Variants in SMARCA4 observed in about 807,000 individuals in gnomAD.
SMARCA4 encodes SWI/SNF-related matrix-associated actin-dependent regulator of chromatin subfamily A member 4.
A neutral mutation model predicts 193.9 loss-of-function variants in SMARCA4; 31 were observed. The ratio of observed to expected loss-of-function variants is 0.16; its 90% CI spans 0.12 to 0.22. SMARCA4 has a LOEUF of 0.22. Among genes scored for constraint, SMARCA4 ranks in the 10% least tolerant of loss-of-function variants. The pLI is 1.00. For synonymous variants in SMARCA4, 942 were observed against 933.1 expected (o/e 1.01, Z -0.17); for missense variants, 1,148 against 2,296.0 (o/e 0.50, Z 10.22).
At position 11,026,305 on chromosome 19, in the gene SMARCA4, C is replaced by A. The variant is rs1060504434; in HGVS notation, c.3174C>A (p.Ser1058=). ...HPYMFQHIEE[S]FSEHLGFTGG... is the part of the protein sequence containing the mutation. The stretch of plus-strand genomic sequence containing the variant: ...CCTCTCTCCTTGCCTTGCAGGAGTC[C>A]TTTTCCGAGCACTTGGGGTTCACTG... Residue 1058 remains serine, a synonymous_variant, in exon 23 of 35, where the codon TCC becomes TCA. Transcript: ENST00000344626. 6.2e-7 allele frequency: 1 copy of A among 1,613,884 alleles called. No homozygotes were observed. Among genetic ancestry groups the A allele is most frequent in the Non-Finnish European group, 8.5e-7 (1 of 1,179,918 alleles).
At chr19:10,981,418 G>A (rs2085541288) in intron 1 of SMARCA4, among the ~76,000 whole-genome samples, 1 of 152,252 alleles carries the variant, frequency 6.6e-6, no homozygotes, top group Admixed American at 6.5e-5. Flanking sequence ...AGGCCAGGGC[G>A]GCATCTCATA....
Position 11,040,497 on chromosome 19 carries a change from C to G in SMARCA4, c.4171-810C>G, listed in dbSNP as rs1325027437. 9 of 148,616 alleles carry G rather than the reference C, an allele frequency of 6.1e-5. No homozygotes were observed. The Admixed American group carries it at 6.1e-4, about 10-fold the overall frequency. The allele number at this position is 148,616 out of a possible 1,614,324, so 9.2% of individuals were successfully genotyped here. On this transcript the variant is annotated intron_variant, in intron 29 of 34. Coordinates refer to ENST00000344626, the MANE Select transcript of SMARCA4 (RefSeq NM_003072.5). Reference sequence around the variant, plus strand: ...ATCCCAGCTACTCAGGAGGCTGAGGCAGGAGAGTTGCTTGAACCCAGGAGG... The same window carrying G: ...ATCCCAGCTACTCAGGAGGCTGAGGGAGGAGAGTTGCTTGAACCCAGGAGG...
intron 11 of SMARCA4, among the ~76,000 whole-genome samples, chr19:10,997,995 C>A (rs2087244233): frequency 6.6e-6 from 1 of 152,132 alleles, no homozygotes; most frequent in South Asian, 2.1e-4. Context: ...GCAGAGAATC[C>A]TGGGTCACAT....
At chr19:10,978,184 C>G (rs892555866) in intron 1 of SMARCA4, among the ~76,000 whole-genome samples, 1 of 152,194 alleles carries the variant, frequency 6.6e-6, no homozygotes, top group African/African-American at 2.4e-5. Context: ...AAGCCACAGT[C>G]CCCGCTGGAT....
At position 10,987,344 on chromosome 19, in the gene SMARCA4, G is replaced by C. The variant is rs2086145813; in HGVS notation, c.860-322G>C. On this transcript the variant is annotated intron_variant, in intron 5 of 34. Coordinates refer to ENST00000344626, the MANE Select transcript of SMARCA4 (RefSeq NM_003072.5). The surrounding 1 kb of genome is among the most constrained non-coding windows in gnomAD (Gnocchi z 5.3). ...AGCCTGAGGTTTAGCGATGGGCATT[G>C]AGGGGCAAATTGCTTCCACTGGATT... 6.6e-6 allele frequency among the ~76,000 whole-genome samples: 1 copy of C among 152,226 alleles called. No homozygotes were observed. Among genetic ancestry groups the C allele is most frequent in the African/African-American group, 2.4e-5 (1 of 41,464 alleles).
At chr19:10,973,298 T>G (rs1896716933) in intron 1 of SMARCA4, among the ~76,000 whole-genome samples, 1 of 152,136 alleles carries the variant, frequency 6.6e-6, no homozygotes, top group Admixed American at 6.6e-5. Flanking sequence ...TTTGCAGGCT[T>G]GCAGTGTAGA....
Position 11,041,665 on chromosome 19 carries a change from T to G in SMARCA4, c.4424+105T>G. ...CACTCAGGCTTGGGCCGCTCACTCT[T>G]TCACTCATCCACAAACACTGACTGA... On this transcript the variant is annotated intron_variant, in intron 30 of 34. Transcript: ENST00000344626. This position sits in a 1 kb window ranked among gnomAD's most constrained non-coding sequence, Gnocchi z 5.6. 1 of 971,602 alleles carries G rather than the reference T, an allele frequency of 1.0e-6. No individual in the cohort carries two copies. The allele number at this position is 971,602 out of a possible 1,614,324, so 60.2% of individuals were successfully genotyped here.
At chr19:10,993,069 T>G (rs996581919) in intron 8 of SMARCA4, among the ~76,000 whole-genome samples, 1 of 146,762 alleles carries the variant, frequency 6.8e-6, no homozygotes, top group African/African-American at 2.6e-5. Context: ...CACTGCAGCC[T>G]CTGTCTTCTG....
rs1366872145 is a variant in SMARCA4, at chr19:10,978,818, G to A, written c.-31-5303G>A. On this transcript the variant is annotated intron_variant, in intron 1 of 34. Transcript: ENST00000344626. ...ATATATTTTAGCCAGGTATAGTGGTGCGTGCCTGTAATCCCAGCTACTCGG... is the reference window on the plus strand; with the variant it reads ...ATATATTTTAGCCAGGTATAGTGGTACGTGCCTGTAATCCCAGCTACTCGG... Among the ~76,000 whole-genome samples, 7 of 151,678 alleles carry A rather than the reference G, an allele frequency of 4.6e-5. No individual in the cohort carries two copies. In the East Asian group the frequency reaches 1.4e-3, roughly 29 times the overall value.
intron 11 of SMARCA4, among the ~76,000 whole-genome samples, chr19:10,998,932 C>T (rs891915995): frequency 6.6e-6 from 1 of 151,406 alleles, no homozygotes; most frequent in African/African-American, 2.4e-5. Context: ...ACGGGGTCTC[C>T]CTGTGTCACC....
chr19:11,041,145 G>A lies in SMARCA4; in HGVS notation c.4171-162G>A, dbSNP rs1020228687. ...TTTCACTGCAGCCCAGGCACCCCTTGAGAGTCCCAGTGTGTGTTATGCCCC... is the reference window on the plus strand; with the variant it reads ...TTTCACTGCAGCCCAGGCACCCCTTAAGAGTCCCAGTGTGTGTTATGCCCC... On this transcript the variant is annotated intron_variant, in intron 29 of 34. Transcript: ENST00000344626. This position sits in a 1 kb window ranked among gnomAD's most constrained non-coding sequence, Gnocchi z 5.6. 1 of 722,216 alleles carries A rather than the reference G, an allele frequency of 1.4e-6. No homozygotes were observed. The highest frequency in any genetic ancestry group is 4.1e-4 in the Middle Eastern group (1 of 2,438). The allele number at this position is 722,216 out of a possible 1,614,324, so 44.7% of individuals were successfully genotyped here. A position where few individuals can be genotyped will look rare whatever the true frequency, so the allele number is the denominator to read the frequency against.
In SMARCA4 at chr19:10,998,503, C is replaced by CT. The variant is rs60264578; in HGVS notation, c.1812+1974dup. Among the ~76,000 whole-genome samples the CT allele has an allele frequency of 9.2e-3, 1,271 of 137,944 alleles. 12 individuals are homozygous for CT. Among genetic ancestry groups the CT allele is most frequent in the African/African-American group, 0.024 (899 of 37,576 alleles). The allele number at this position is 137,944 out of a possible 152,430, so 90.5% of individuals were successfully genotyped here. A position where few individuals can be genotyped will look rare whatever the true frequency, so the allele number is the denominator to read the frequency against. On this transcript the variant is annotated intron_variant, in intron 11 of 34. Transcript: ENST00000344626. ...GAATTCCAGCTACTCCTTTTAGTAT[C>CT]TTTTTTTTTTTTTTTGCCTGTATCA... is the stretch of plus-strand genomic sequence containing the variant.
At chr19:11,027,978 T>TA in intron 24 of SMARCA4, 28 bp downstream of exon 24, 1 of 1,612,390 alleles carries the variant, frequency 6.2e-7, no homozygotes. Flanking sequence ...AGGCGTTTCT[T>TA]ACAGGGTTTT....
At position 10,985,787 on chromosome 19, in the gene SMARCA4, A is replaced by C. The variant is rs1403224588; in HGVS notation, c.355+382A>C. On this transcript the variant is annotated intron_variant, in intron 3 of 34. Coordinates refer to ENST00000344626, the MANE Select transcript of SMARCA4 (RefSeq NM_003072.5). This position sits in a 1 kb window ranked among gnomAD's most constrained non-coding sequence, Gnocchi z 4.5. ...TGTACGAGGACAATTGAGAAGTGAT[A>C]TGGTGGGTGACTTTCCAAGGCCTTG... is the stretch of plus-strand genomic sequence containing the variant. 1.3e-5 allele frequency among the ~76,000 whole-genome samples: 2 copies of C among 152,014 alleles called. No homozygotes were observed. The highest frequency in any genetic ancestry group is 2.4e-5 in the African/African-American group (1 of 41,396).
intron 15 of SMARCA4, chr19:11,011,714 G>T (rs1161663036): frequency 6.6e-6 from 1 of 152,140 alleles, no homozygotes; most frequent in Non-Finnish European, 1.5e-5. Flanking sequence ...ATTAGCTGGG[G>T]GTGGTAGCAC....
At chr19:10,978,102 G>A (rs969512100) in intron 1 of SMARCA4, among the ~76,000 whole-genome samples, 1 of 152,198 alleles carries the variant, frequency 6.6e-6, no homozygotes, top group Non-Finnish European at 1.5e-5. Context: ...CTCCTGGCTA[G>A]ATCTTCCTTC....
intron 32 of SMARCA4, 109 bp from the exon 33 acceptor site, chr19:11,059,644 A>C: frequency 7.9e-7 from 1 of 1,267,186 alleles, no homozygotes; most frequent in East Asian, 2.5e-5. Flanking sequence ...TTGGCCACTG[A>C]TCAGCTGTCC....
In SMARCA4 at chr19:10,986,322, G is replaced by A. The variant is rs1201612670; in HGVS notation, c.489G>A (p.Gly163=). The change falls in exon 4 of 35, where the codon GGG becomes GGA. Residue 163 remains glycine, a synonymous_variant. Coordinates refer to ENST00000344626, the MANE Select transcript of SMARCA4 (RefSeq NM_003072.5). The surrounding 1 kb of genome is among the most constrained non-coding windows in gnomAD (Gnocchi z 6.7). ...ATGGTGCTGACCCCCAGGCCTTGGG[G>A]CAGCAGAACCGGGGCCCAACCCCAT... is the stretch of plus-strand genomic sequence containing the variant. The part of the protein sequence containing the change: ...PLDGADPQAL[G]QQNRGPTPFN... The A allele has an allele frequency of 6.2e-6, 10 of 1,613,584 alleles. No homozygotes were observed. The highest frequency in any genetic ancestry group is 3.3e-5 in the South Asian group (3 of 91,070).
chr19:11,061,921 A>G lies in SMARCA4; in HGVS notation c.*105A>G. On this transcript the variant is annotated 3_prime_UTR_variant, in exon 35 of 35. Coordinates refer to ENST00000344626, the MANE Select transcript of SMARCA4 (RefSeq NM_003072.5). ...GCAGATGTAGTTTCAGACTTGGAGT[A>G]AAACTGTATAAACAAAAGAATCTTC... The G allele has an allele frequency of 9.6e-7, 1 of 1,043,140 alleles. No individual in the cohort carries two copies. Among genetic ancestry groups the G allele is most frequent in the Non-Finnish European group, 1.5e-6 (1 of 663,800 alleles). The allele number at this position is 1,043,140 out of a possible 1,614,324, so 64.6% of individuals were successfully genotyped here. A position where few individuals can be genotyped will look rare whatever the true frequency, so the allele number is the denominator to read the frequency against.
Sources: gnomAD v4.1 joint callset for allele counts (sites outside exome capture counted in the v4.1 genomes callset) on GRCh38, gnomAD v4.1.1 for gene constraint, Gnocchi (gnomAD v3.1) non-coding constraint, MANE v1.5 for transcripts, NCBI Gene and HGNC (gene_info 2026-07-23, HGNC 2026-07-21) for gene names.